Variants in MGST1 observed in about 807,000 individuals in gnomAD.
MGST1 encodes the protein microsomal glutathione S-transferase 1.
A neutral mutation model predicts 8.9 loss-of-function variants in MGST1; 5 were observed. The observed-to-expected ratio is 0.56, with a 90% CI of 0.29 to 1.19. MGST1 has a LOEUF of 1.19. Among genes scored for constraint, MGST1 ranks in the 50% most tolerant of loss-of-function variants. The pLI, the probability that MGST1 is intolerant of heterozygous loss-of-function variation, is 0.08. For synonymous variants in MGST1, 54 were observed against 67.8 expected (o/e 0.80, Z 1.00); for missense variants, 182 against 187.4 (o/e 0.97, Z 0.17).
rs376838779 is a variant in MGST1 at position 16,435,792 on chromosome 12, G to A, written n.779-1596G>A. 1.7e-4 allele frequency among the ~76,000 whole-genome samples: 26 copies of A among 151,942 alleles called. No homozygotes were observed. In the South Asian group the frequency reaches 5.0e-3, roughly 29 times the overall value. On this transcript the variant is annotated intron_variant and non_coding_transcript_variant, in intron 1 of 1. Coordinates refer to the MGST1 transcript ENST00000359720. ...AAAATTAAAAGTTGTACATGATTGT[G>A]TTGTTTATTATCTTATAATAAAATA...
chr12:16,359,643 A>G (rs1939897181), intron 3 of MGST1, among the ~76,000 whole-genome samples: 1 of 152,250 alleles, frequency 6.6e-6, no homozygotes, highest in Non-Finnish European at 1.5e-5. Context: ...TTAAGTTTTC[A>G]AAACCACTGA....
intron 4 of MGST1, among the ~76,000 whole-genome samples, chr12:16,528,785 T>C (rs1941704668): frequency 6.6e-6 from 1 of 152,016 alleles, no homozygotes; most frequent in South Asian, 2.1e-4. Flanking sequence ...TAGTTTACCA[T>C]AACATATATA....
At chr12:16,521,186 G>C (rs1478144556) in intron 4 of MGST1, among the ~76,000 whole-genome samples, 1 of 151,924 alleles carries the variant, frequency 6.6e-6, no homozygotes. Flanking sequence ...ATTTTTTCCT[G>C]TATGAGTGAC....
At chr12:16,403,298 C>A (rs553411220) in intron 1 of MGST1, among the ~76,000 whole-genome samples, 1 of 151,988 alleles carries the variant, frequency 6.6e-6, no homozygotes, top group African/African-American at 2.4e-5. Context: ...AAGTTATTCC[C>A]CTTTTTAGCC....
intron 4 of MGST1, among the ~76,000 whole-genome samples, chr12:16,551,606 T>TA (rs1168548872): frequency 1.3e-5 from 2 of 151,274 alleles, no homozygotes; most frequent in Non-Finnish European, 3.0e-5. Context: ...TTTTTTTTTT[T>TA]AAACCACACT....
intron 4 of MGST1, among the ~76,000 whole-genome samples, chr12:16,528,213 A>G (rs1941701138): frequency 6.6e-6 from 1 of 152,040 alleles, no homozygotes; most frequent in African/African-American, 2.4e-5. Context: ...GATAACCCAT[A>G]CATTTTCACT....
chr12:16,575,757 A>G (rs1942974123), intron 4 of MGST1, among the ~76,000 whole-genome samples: 3 of 152,036 alleles, frequency 2.0e-5, no homozygotes, highest in African/African-American at 4.8e-5. Context: ...ATTCACTACT[A>G]CCTCTTAAAG....
intron 1 of MGST1, among the ~76,000 whole-genome samples, chr12:16,429,919 C>A (rs980764412): frequency 2.0e-5 from 3 of 152,100 alleles, no homozygotes; most frequent in African/African-American, 7.2e-5. Flanking sequence ...TGAAAGATTT[C>A]TCTGTGGCAT....
At chr12:16,526,236 T>C (rs981266519) in intron 4 of MGST1, among the ~76,000 whole-genome samples, 1 of 151,886 alleles carries the variant, frequency 6.6e-6, no homozygotes, top group Admixed American at 6.6e-5. Context: ...ATGTCCTGAA[T>C]GGTAATGCCT....
chr12:16,558,789 G>A (rs1942285779), intron 4 of MGST1, among the ~76,000 whole-genome samples: 1 of 152,110 alleles, frequency 6.6e-6, no homozygotes, highest in Non-Finnish European at 1.5e-5. Context: ...CAAGTTAATG[G>A]AATATTATTT....
At chr12:16,495,602 A>G (rs893837423) in intron 4 of MGST1, among the ~76,000 whole-genome samples, 1 of 152,102 alleles carries the variant, frequency 6.6e-6, no homozygotes, top group Non-Finnish European at 1.5e-5. Context: ...GTCTAAGAGG[A>G]TAAATTTTCC....
intron 1 of MGST1, among the ~76,000 whole-genome samples, chr12:16,414,062 CAAAAA>C (rs775074092): frequency 1.3e-4 from 16 of 124,698 alleles, no homozygotes; most frequent in Non-Finnish European, 2.4e-4. Flanking sequence ...TGGTTTTATA[CAAAAA>C]AAAAAATAAT....
intron 4 of MGST1, among the ~76,000 whole-genome samples, chr12:16,515,265 T>C (rs1264491345): frequency 1.3e-5 from 2 of 152,234 alleles, no homozygotes; most frequent in African/African-American, 4.8e-5. Flanking sequence ...ATTGCTGTTC[T>C]TTTCCTTAGG....
downstream of MGST1, among the ~76,000 whole-genome samples, chr12:16,439,298 T>A (rs190814658): frequency 1.6e-3 from 242 of 152,036 alleles, no homozygotes; most frequent in Non-Finnish European, 2.7e-4. Flanking sequence ...AATATTGTTT[T>A]ATTAAGAATA....
intron 2 of MGST1, 99 bp from the exon 3 acceptor site, chr12:16,357,506 C>G: frequency 2.3e-6 from 2 of 853,778 alleles, no homozygotes; most frequent in Non-Finnish European, 1.8e-6. Context: ...TGGGCTCAAG[C>G]AATCCTGCCT....
intron 4 of MGST1, among the ~76,000 whole-genome samples, chr12:16,553,154 C>T (rs1942055497): frequency 1.3e-5 from 2 of 152,082 alleles, no homozygotes; most frequent in Non-Finnish European, 2.9e-5. Context: ...TCCCTACATC[C>T]AACCTAGAAA....
intron 4 of MGST1, among the ~76,000 whole-genome samples, chr12:16,490,603 C>G (rs900240704): frequency 1.3e-5 from 2 of 152,060 alleles, no homozygotes; most frequent in African/African-American, 4.8e-5. Context: ...AAGTACTATA[C>G]CCTTGGCAGA....
downstream of MGST1, among the ~76,000 whole-genome samples, chr12:16,368,775 C>G (rs920646652): frequency 2.6e-5 from 4 of 152,032 alleles, no homozygotes; most frequent in African/African-American, 9.7e-5. Flanking sequence ...CCTGACAGCC[C>G]TGCATAAAAT....
chr12:16,380,695 C>T (rs1472012605), downstream of MGST1, among the ~76,000 whole-genome samples: 1 of 152,038 alleles, frequency 6.6e-6, no homozygotes, highest in Non-Finnish European at 1.5e-5. Context: ...TCCTGGGTAT[C>T]CTTGTTAACT....
Sources: gnomAD v4.1 joint callset for allele counts (sites outside exome capture counted in the v4.1 genomes callset) on GRCh38, gnomAD v4.1.1 for gene constraint, MANE v1.5 for transcripts, NCBI Gene and HGNC (gene_info 2026-07-23, HGNC 2026-07-21) for gene names.